Variants in KHDRBS2 observed in about 807,000 individuals in gnomAD.
KHDRBS2 encodes KH RNA binding domain containing, signal transduction associated 2.
Under a neutral mutation model 44.3 loss-of-function variants are expected in KHDRBS2, and 26 were observed. The ratio of observed to expected loss-of-function variants is 0.59; its 90% CI spans 0.43 to 0.81. The LOEUF (loss-of-function observed/expected upper bound fraction) is 0.81, where lower values mean the gene tolerates loss of function less well. KHDRBS2 is among the 40% of genes least tolerant of loss of function. The pLI is 0.00. For synonymous variants in KHDRBS2, 194 were observed against 151.1 expected (o/e 1.28, Z -2.08); for missense variants, 476 against 433.1 (o/e 1.10, Z -0.88).
At chr6:61,623,163 C>G in the KHDRBS2 span, among the ~76,000 whole-genome samples, 1 of 152,002 alleles carries the variant, frequency 6.6e-6, no homozygotes, top group Non-Finnish European at 1.5e-5. Context: ...GGCAGTTGCC[C>G]TTATTAAAAG....
At chr6:62,266,976 G>A (rs1839315371) in intron 1 of KHDRBS2, among the ~76,000 whole-genome samples, 1 of 151,924 alleles carries the variant, frequency 6.6e-6, no homozygotes, top group Non-Finnish European at 1.5e-5. Context: ...GCTAGTTTCA[G>A]TGCTGGGAAT....
intron 1 of KHDRBS2, among the ~76,000 whole-genome samples, chr6:62,242,298 A>G (rs1834803828): frequency 6.6e-6 from 1 of 152,180 alleles, no homozygotes; most frequent in Non-Finnish European, 1.5e-5. Context: ...AAATCAGGTT[A>G]TTCATTTTAC....
At chr6:61,804,473 C>T (rs1404708672) in intron 6 of KHDRBS2, among the ~76,000 whole-genome samples, 1 of 152,144 alleles carries the variant, frequency 6.6e-6, no homozygotes, top group African/African-American at 2.4e-5. Flanking sequence ...GGACAGTCGC[C>T]TTCTTCTCAC....
At chr6:61,672,411 G>A in the KHDRBS2 span, among the ~76,000 whole-genome samples, 1 of 151,996 alleles carries the variant, frequency 6.6e-6, no homozygotes, top group African/African-American at 2.4e-5. Flanking sequence ...GATCCCTGAG[G>A]AATCACCACA....
chr6:62,064,853 A>C (rs368473119), intron 2 of KHDRBS2, among the ~76,000 whole-genome samples: 1 of 150,366 alleles, frequency 6.7e-6, no homozygotes, highest in African/African-American at 2.4e-5. Context: ...CAACCTACAA[A>C]ATGGGAGAAA....
In KHDRBS2 at chr6:61,680,958, G is replaced by A; in HGVS notation, c.*5C>T. 1.3e-6 allele frequency: 2 copies of A among 1,590,214 alleles called. No individual in the cohort carries two copies. Among genetic ancestry groups the A allele is most frequent in the Non-Finnish European group, 1.7e-6 (2 of 1,160,368 alleles). On this transcript the variant is annotated 3_prime_UTR_variant, in exon 9 of 9. Transcript: ENST00000281156. Reference sequence around the variant, plus strand: ...TTGAGGTGAGGTCACAGGTGGGAAGGACCTTCAATATCTACCATAGGGGTG... The same window carrying A: ...TTGAGGTGAGGTCACAGGTGGGAAGAACCTTCAATATCTACCATAGGGGTG...
At chr6:62,219,363 G>GA (rs1260322445) in intron 1 of KHDRBS2, among the ~76,000 whole-genome samples, 3 of 151,442 alleles carry the variant, frequency 2.0e-5, no homozygotes, top group African/African-American at 7.3e-5. Flanking sequence ...AAAATAAATG[G>GA]AAAAAACCAT....
chr6:62,116,640 G>T (rs2150079089), intron 2 of KHDRBS2, among the ~76,000 whole-genome samples: 1 of 152,158 alleles, frequency 6.6e-6, no homozygotes, highest in African/African-American at 2.4e-5. Context: ...TAGTTATTTT[G>T]AAGTATACAA....
the KHDRBS2 span, among the ~76,000 whole-genome samples, chr6:61,663,341 GTA>G: frequency 6.8e-6 from 1 of 147,242 alleles, no homozygotes; most frequent in Non-Finnish European, 1.5e-5. Context: ...CATGGCACAT[GTA>G]TACATATGTA....
chr6:61,951,528 C>T (rs916991597), intron 4 of KHDRBS2, among the ~76,000 whole-genome samples: 3 of 152,018 alleles, frequency 2.0e-5, no homozygotes, highest in Non-Finnish European at 4.4e-5. Context: ...ATTATGCCTC[C>T]TAACATATGG....
At chr6:61,617,895 C>T in the KHDRBS2 span, among the ~76,000 whole-genome samples, 3 of 152,104 alleles carry the variant, frequency 2.0e-5, no homozygotes, top group African/African-American at 4.8e-5. Context: ...TACTACATAA[C>T]ATAAAAATTT....
chr6:62,234,263 G>A (rs1833348810), intron 1 of KHDRBS2, among the ~76,000 whole-genome samples: 1 of 152,108 alleles, frequency 6.6e-6, no homozygotes, highest in East Asian at 1.9e-4. Flanking sequence ...CTACATACTA[G>A]TTAGGGTGAC....
chr6:61,962,351 T>C (rs1453178662), intron 4 of KHDRBS2, among the ~76,000 whole-genome samples: 1 of 152,092 alleles, frequency 6.6e-6, no homozygotes, highest in Non-Finnish European at 1.5e-5. Context: ...ACCAATAATA[T>C]TCTCAAAAAC....
downstream of KHDRBS2, among the ~76,000 whole-genome samples, chr6:61,679,388 CTATTTGTTA>C (rs1213939873): frequency 2.0e-5 from 3 of 151,808 alleles, no homozygotes; most frequent in Non-Finnish European, 2.9e-5. Context: ...GCCTATAGAC[CTATTTGTTA>C]TATTTTTGTA....
chr6:62,169,495 C>G (rs2150118261), intron 2 of KHDRBS2, among the ~76,000 whole-genome samples: 1 of 152,106 alleles, frequency 6.6e-6, no homozygotes, highest in Middle Eastern at 3.4e-3. Flanking sequence ...AACACTGACC[C>G]AACGAGCTGA....
At chr6:61,647,063 C>A in the KHDRBS2 span, among the ~76,000 whole-genome samples, 146 of 152,250 alleles carry the variant, frequency 9.6e-4, no homozygotes, top group African/African-American at 3.4e-3. Flanking sequence ...AGGTGATCCA[C>A]CCGCCTCGGC....
intron 7 of KHDRBS2, among the ~76,000 whole-genome samples, chr6:61,708,231 A>C (rs1324913378): frequency 6.6e-6 from 1 of 151,606 alleles, no homozygotes; most frequent in Non-Finnish European, 1.5e-5. Flanking sequence ...CAACCCTTTA[A>C]ACTCCCTAAA....
At chr6:62,129,593 A>T (rs1249482377) in intron 2 of KHDRBS2, among the ~76,000 whole-genome samples, 1 of 152,188 alleles carries the variant, frequency 6.6e-6, no homozygotes, top group Non-Finnish European at 1.5e-5. Context: ...AAATATGTCA[A>T]ATAAAGAAGT....
Position 62,256,323 on chromosome 6 carries a change from C to A in KHDRBS2, c.91+29535G>T, listed in dbSNP as rs532524678. Among the ~76,000 whole-genome samples, 8 of 152,076 alleles carry A rather than the reference C, an allele frequency of 5.3e-5. No homozygotes were observed. In the South Asian group the frequency reaches 6.2e-4, roughly 12 times the overall value. ...TTACTTTGATATAGTTTGGCTGTGTCCCCACCCAAATCTGATCTTGAATTG... is the reference window on the plus strand; with the variant it reads ...TTACTTTGATATAGTTTGGCTGTGTACCCACCCAAATCTGATCTTGAATTG... On this transcript the variant is annotated intron_variant, in intron 1 of 8. Coordinates refer to ENST00000281156, the MANE Select transcript of KHDRBS2 (RefSeq NM_152688.4).
Sources: gnomAD v4.1 joint callset for allele counts (sites outside exome capture counted in the v4.1 genomes callset) on GRCh38, gnomAD v4.1.1 for gene constraint, MANE v1.5 for transcripts, NCBI Gene and HGNC (gene_info 2026-07-23, HGNC 2026-07-21) for gene names.